The following GALNT2 variants were observed in gnomAD, a reference collection of about 807,000 sequenced individuals.
GALNT2 encodes the protein UDP-GalNAc:polypeptide N-acetylgalactosaminyltransferase 2.
GALNT2 carries 31 observed loss-of-function variants against 81.4 expected under a neutral mutation model. The observed-to-expected ratio is 0.38, with a 90% CI of 0.29 to 0.51. The LOEUF (loss-of-function observed/expected upper bound fraction) is 0.51, where lower values mean the gene tolerates loss of function less well. Among genes scored for constraint, GALNT2 ranks in the 20% least tolerant of loss-of-function variants. GALNT2 has a pLI of 0.87. For synonymous variants in GALNT2, 303 were observed against 287.4 expected (o/e 1.05, Z -0.55); for missense variants, 629 against 765.7 (o/e 0.82, Z 2.11).
Position 230,265,272 on chromosome 1 carries a change from G to A in GALNT2, c.1345G>A (p.Ala449Thr), listed in dbSNP as rs1169786024. The change falls in exon 14 of 16, where the codon GCC (alanine) becomes ACC (threonine). Residue 449 changes from alanine (A) to threonine (T), a missense_variant. Transcript: ENST00000366672. ...AGACCATCAGGATATAGCTTTTGGG[G>A]CCTTGCAGCAGGGAACTAACTGCCT... is the stretch of plus-strand genomic sequence containing the variant. ...VPDHQDIAFG[A>T]LQQGTNCLDT... The A allele has an allele frequency of 6.2e-7, 1 of 1,614,090 alleles. No individual in the cohort carries two copies. Among genetic ancestry groups the A allele is most frequent in the Non-Finnish European group, 8.5e-7 (1 of 1,180,052 alleles).
At chr1:230,217,045 T>A (rs11122467) in intron 3 of GALNT2, among the ~76,000 whole-genome samples, 16,536 of 152,154 alleles carry the variant, frequency 0.11, 1,852 homozygotes, top group East Asian at 0.57. Context: ...ACATGACAGG[T>A]GTTTTTCTGG....
At chr1:230,165,355 CTGT>C (rs1392249717) in intron 1 of GALNT2, among the ~76,000 whole-genome samples, 1 of 152,168 alleles carries the variant, frequency 6.6e-6, no homozygotes, top group African/African-American at 2.4e-5. Context: ...TTTGAAGGGG[CTGT>C]TAACAGAAAT....
At chr1:230,144,973 G>A (rs1661867190) in intron 1 of GALNT2, among the ~76,000 whole-genome samples, 1 of 152,234 alleles carries the variant, frequency 6.6e-6, no homozygotes, top group East Asian at 1.9e-4. Flanking sequence ...GTGTAGTGAT[G>A]TCAGGCTCCT....
intron 2 of GALNT2, among the ~76,000 whole-genome samples, chr1:230,181,801 G>T (rs1663169166): frequency 6.6e-6 from 1 of 152,194 alleles, no homozygotes; most frequent in Non-Finnish European, 1.5e-5. Flanking sequence ...GGAAGAGATT[G>T]TAGAGAATTG....
At chr1:230,141,222 T>A (rs1661720154) in intron 1 of GALNT2, among the ~76,000 whole-genome samples, 1 of 152,154 alleles carries the variant, frequency 6.6e-6, no homozygotes, top group African/African-American at 2.4e-5. Context: ...AAAGGAGAGA[T>A]CCTGCCCATC....
chr1:230,234,845 G>A (rs999982971), intron 3 of GALNT2, among the ~76,000 whole-genome samples: 8 of 152,068 alleles, frequency 5.3e-5, no homozygotes, highest in East Asian at 1.9e-4. Context: ...TGCTGAGCCC[G>A]GTAAACCTTT....
In GALNT2 at chr1:230,265,351, A is replaced by G. The variant is rs766578798; in HGVS notation, c.1424A>G (p.Asn475Ser). ...DGVVGVYECH[N>S]AGGNQEWALT... Reference sequence around the variant, plus strand: ...GTGGTTGGAGTTTATGAATGTCACAATGCTGGGGGAAACCAGGTATGTGCA... The same window carrying G: ...GTGGTTGGAGTTTATGAATGTCACAGTGCTGGGGGAAACCAGGTATGTGCA... Residue 475 changes from asparagine to serine, a missense_variant, in exon 14 of 16, where the codon AAT becomes AGT. Physicochemically the swap from Asn to Ser is conservative, Grantham distance 46. Transcript: ENST00000366672. The G allele has an allele frequency of 3.7e-6, 6 of 1,614,104 alleles. No homozygotes were observed. In the East Asian group the frequency reaches 1.3e-4, roughly 36 times the overall value.
At chr1:230,232,577 C>G (rs1272041096) in intron 3 of GALNT2, among the ~76,000 whole-genome samples, 1 of 152,188 alleles carries the variant, frequency 6.6e-6, no homozygotes, top group Admixed American at 6.6e-5. Flanking sequence ...GTAAGTCATT[C>G]AACCTAGGTC....
At chr1:230,253,482 A>G (rs538016481) in intron 10 of GALNT2, among the ~76,000 whole-genome samples, 4 of 152,256 alleles carry the variant, frequency 2.6e-5, no homozygotes, top group African/African-American at 9.6e-5. Context: ...TTTCTGATCA[A>G]TCTGCATTGG....
chr1:230,223,187 TTTTC>T (rs1188719329), intron 3 of GALNT2, among the ~76,000 whole-genome samples: 33 of 123,872 alleles, frequency 2.7e-4, no homozygotes, highest in Non-Finnish European at 8.0e-5. Flanking sequence ...TTTGTTTTTC[TTTTC>T]TTTTTTTTTT....
intron 2 of GALNT2, among the ~76,000 whole-genome samples, chr1:230,197,058 CCT>C (rs1663717341): frequency 6.6e-6 from 1 of 152,020 alleles, no homozygotes; most frequent in Non-Finnish European, 1.5e-5. Context: ...CTGGACTATT[CCT>C]CTTTCAAGCA....
intron 2 of GALNT2, among the ~76,000 whole-genome samples, chr1:230,201,589 G>A (rs1663894035): frequency 6.6e-6 from 1 of 152,160 alleles, no homozygotes; most frequent in African/African-American, 2.4e-5. Context: ...GTGTTTTCAA[G>A]GTCAACTGCA....
chr1:230,126,507 C>G (rs1222733941), intron 1 of GALNT2, among the ~76,000 whole-genome samples: 1 of 151,968 alleles, frequency 6.6e-6, no homozygotes, highest in East Asian at 1.9e-4. Context: ...GCCGATGCCT[C>G]GAGAGGGTTT....
At chr1:230,272,438 A>C (rs570249776) in intron 14 of GALNT2, among the ~76,000 whole-genome samples, 16 of 152,282 alleles carry the variant, frequency 1.1e-4, no homozygotes, top group South Asian at 8.3e-4. Flanking sequence ...AGAGATAAAC[A>C]CAGCACAAAG....
intron 7 of GALNT2, among the ~76,000 whole-genome samples, chr1:230,245,724 C>A (rs1665347709): frequency 6.6e-6 from 1 of 152,176 alleles, no homozygotes; most frequent in Non-Finnish European, 1.5e-5. Flanking sequence ...GAAAAGGACC[C>A]TTGGGACACA....
intron 4 of GALNT2, 67 bp downstream of exon 4, chr1:230,236,179 G>T: frequency 6.6e-7 from 1 of 1,516,122 alleles, no homozygotes; most frequent in South Asian, 1.1e-5. Context: ...GGCACAGTCA[G>T]ACCAGGGCTG....
intron 1 of GALNT2, among the ~76,000 whole-genome samples, chr1:230,071,580 A>AG (rs2102742685): frequency 6.6e-6 from 1 of 152,170 alleles, no homozygotes; most frequent in East Asian, 1.9e-4. Context: ...GCATGACTTG[A>AG]GGTGGAGCAT....
intron 1 of GALNT2, among the ~76,000 whole-genome samples, chr1:230,077,728 C>T (rs1166894648): frequency 3.3e-5 from 5 of 152,122 alleles, no homozygotes; most frequent in Non-Finnish European, 5.9e-5. Context: ...CCACCAAAAG[C>T]GCTGGTGATG....
chr1:230,262,861 G>T, intron 12 of GALNT2, 61 bp from the exon 13 acceptor site: 1 of 1,522,796 alleles, frequency 6.6e-7, no homozygotes, highest in South Asian at 1.1e-5. Flanking sequence ...TTTCAAGTTT[G>T]ATGTAGAAAG....
Sources: allele counts gnomAD v4.1 joint callset (sites outside exome capture counted in the v4.1 genomes callset), GRCh38; gene constraint gnomAD v4.1.1; transcripts MANE v1.5; gene names NCBI Gene and HGNC (gene_info 2026-07-23, HGNC 2026-07-21).